Variants in TCHH observed in about 807,000 individuals in gnomAD.
The protein encoded by TCHH is trichohyalin.
TCHH carries 6 observed loss-of-function variants against 6.3 expected under a neutral mutation model. The observed-to-expected ratio is 0.95, with a 90% CI of 0.52 to 1.88. The LOEUF (loss-of-function observed/expected upper bound fraction) is 1.88. Among genes scored for constraint, TCHH ranks in the 40% most tolerant of loss-of-function variants. The probability of loss-of-function intolerance (pLI) is 0.01; values close to 1 mark genes in which losing one functional copy is unlikely to be tolerated. For missense variants in TCHH, 2,920 were observed against 2,449.1 expected (o/e 1.19, Z -4.06); for synonymous variants, 1,087 against 963.6 (o/e 1.13, Z -2.37).
In TCHH at chr1:152,111,458, G is replaced by GGCGCCTCTCCTC; in HGVS notation, c.1747_1758dup (p.Glu583_Arg586dup). On this transcript the variant is annotated inframe_insertion, in exon 3 of 3. Transcript: ENST00000614923. ...TCCTGCTCGCGCTTCAGCCGCTGCT[G>GGCGCCTCTCCTC]GCGCCTCTCCTCCTCGCGCTTCAGC... 1 of 1,593,508 alleles carries GGCGCCTCTCCTC rather than the reference G, an allele frequency of 6.3e-7. No individual in the cohort carries two copies. The highest frequency in any genetic ancestry group is 8.5e-7 in the Non-Finnish European group (1 of 1,173,362).
In TCHH at chr1:152,110,970, C is replaced by T; in HGVS notation, c.2247G>A (p.Gln749=). 1 of 1,613,604 alleles carries T rather than the reference C, an allele frequency of 6.2e-7. No individual in the cohort carries two copies. The highest frequency in any genetic ancestry group is 8.5e-7 in the Non-Finnish European group (1 of 1,180,030). Residue 749 remains glutamine, a synonymous_variant, in exon 3 of 3, where the codon CAG becomes CAA. Transcript: ENST00000614923. ...RRRRESELQW[Q]EEERAHRQQQ... ...GCTGCCGGTGAGCCCGTTCCTCCTC[C>T]TGCCATTGCAGCTCACTCTCCCGGC...
At position 152,112,421 on chromosome 1, in the gene TCHH, G is replaced by A. The variant is rs1288318718; in HGVS notation, c.796C>T (p.Gln266Ter). 1.2e-6 allele frequency: 2 copies of A among 1,613,696 alleles called. No homozygotes were observed. Residue 266 changes from glutamine to a stop codon, truncating the protein, a stop_gained, in exon 3 of 3, where the codon CAG becomes TAG. Coordinates refer to ENST00000614923, the MANE Select transcript of TCHH (RefSeq NM_007113.4). LOFTEE classifies it low-confidence loss of function (END_TRUNC). ...EEEKLQEEEPQRQRELQEEEE... is the reference protein window; with the variant it reads ...EEEKLQEEEP The stretch of plus-strand genomic sequence containing the variant: ...TCCTCCTGGAGCTCTCTTTGCCGCT[G>A]CGGCTCCTCTTCCTGCAACTTCTCT...
At chr1:152,114,950 C>T (rs1658474345) in intron 1 of TCHH, among the ~76,000 whole-genome samples, 1 of 152,160 alleles carries the variant, frequency 6.6e-6, no homozygotes, top group South Asian at 2.1e-4. Flanking sequence ...TATAAGAATA[C>T]ATGGAATGGC....
In TCHH at chr1:152,107,729, G is replaced by C; in HGVS notation, c.5488C>G (p.Leu1830Val). 2 of 1,614,228 alleles carry C rather than the reference G, an allele frequency of 1.2e-6. No homozygotes were observed. The highest frequency in any genetic ancestry group is 1.7e-6 in the Non-Finnish European group (2 of 1,180,046). Residue 1830 changes from leucine (L) to valine (V), a missense_variant, in exon 3 of 3, where the codon CTT becomes GTT. Leu to Val is a conservative substitution (Grantham distance 32). Coordinates refer to ENST00000614923, the MANE Select transcript of TCHH (RefSeq NM_007113.4). ...KYRWEEEQLQ[L>V]EEQEQRLRQE... ...CGCAGCCTCTGCTCTTGTTCCTCAA[G>C]TTGGAGCTGCTCTTCTTCCCAGCGA...
At position 152,108,948 on chromosome 1, in the gene TCHH, C is replaced by G; in HGVS notation, c.4269G>C (p.Leu1423=). The G allele has an allele frequency of 6.2e-7, 1 of 1,612,982 alleles. No homozygotes were observed. Among genetic ancestry groups the G allele is most frequent in the South Asian group, 1.1e-5 (1 of 90,956 alleles). The change falls in exon 3 of 3, where the codon CTG becomes CTC. Residue 1423 remains leucine, a synonymous_variant. Transcript: ENST00000614923. ...ATTTTCTGTCACGCTCTTGGCGGCTCAGCTGCTGTTCCTCCTCGCGGAATT... is the reference window on the plus strand; with the variant it reads ...ATTTTCTGTCACGCTCTTGGCGGCTGAGCTGCTGTTCCTCCTCGCGGAATT... ...DRKFREEEQQ[L]SRQERDRKFR...
In TCHH at chr1:152,112,151, CCTGCTCGCGCCTCAGCTG is replaced by C. The variant is rs767216578; in HGVS notation, c.1048_1065del (p.Gln350_Gln355del). ...AGCTGCTGCTCGCGCCTCTCCTCCT[CCTGCTCGCGCCTCAGCTG>C]CTGCTCGCGCCTCTCCTCCTGCTCG... On this transcript the variant is annotated inframe_deletion, in exon 3 of 3. Coordinates refer to ENST00000614923, the MANE Select transcript of TCHH (RefSeq NM_007113.4). The C allele has an allele frequency of 2.2e-6, 3 of 1,381,710 alleles. No individual in the cohort carries two copies. The highest frequency in any genetic ancestry group is 3.8e-5 in the African/African-American group (2 of 52,124). 85.6% of individuals were successfully genotyped at this position (1,381,710 alleles called of 1,614,324 possible). A position where few individuals can be genotyped will look rare whatever the true frequency, so the allele number is the denominator to read the frequency against.
Position 152,110,699 on chromosome 1 carries a change from G to C in TCHH, c.2518C>G (p.Leu840Val), listed in dbSNP as rs1196535994. 3.7e-6 allele frequency: 6 copies of C among 1,612,410 alleles called. No individual in the cohort carries two copies. The highest frequency in any genetic ancestry group is 1.3e-5 in the African/African-American group (1 of 74,906). Residue 840 changes from leucine to valine, a missense_variant, in exon 3 of 3, where the codon CTC becomes GTC. By Grantham distance (32) the Leu-to-Val change is conservative (BLOSUM62 1). Coordinates refer to ENST00000614923, the MANE Select transcript of TCHH (RefSeq NM_007113.4). The stretch of plus-strand genomic sequence containing the variant: ...TGTTGGGCACGCTCCCGCCGCTGGA[G>C]CTGCTCCTCTTCCTCCAGGAACTGC... ...ELQFLEEEEQ[L>V]QRRERAQQLQ... is the part of the protein sequence containing the mutation.
rs868599896 is a variant in TCHH, at chr1:152,113,180, A to T, written c.139-102T>A. On this transcript the variant is annotated intron_variant, in intron 2 of 2. Transcript: ENST00000614923. ...TTTATGCTATGCTGACATTCAAGAG[A>T]CATTCAGAGCAATTAGAAAAATGTC... 58 of 1,163,380 alleles carry T rather than the reference A, an allele frequency of 5.0e-5. No individual in the cohort carries two copies. In the African/African-American group the frequency reaches 7.2e-4, roughly 14 times the overall value. The allele number at this position is 1,163,380 out of a possible 1,614,324, so 72.1% of individuals were successfully genotyped here.
chr1:152,113,838 G>T, intron 2 of TCHH, 105 bp downstream of exon 2: 1 of 1,322,300 alleles, frequency 7.6e-7, no homozygotes, highest in Non-Finnish European at 1.0e-6. Flanking sequence ...TAGACCTGTT[G>T]TGGTGTAAAA....
Position 152,107,446 on chromosome 1 carries a change from G to A in TCHH, c.5771C>T (p.Pro1924Leu). ...EPGTHQFASV[P>L]VRSSPLYEYI... ...CTCATAGAGAGGGCTGGAGCGCACT[G>A]GGACACTGGCAAACTGATGAGTGCC... The change falls in exon 3 of 3, where the codon CCA (proline) becomes CTA (leucine). Residue 1924 changes from proline to leucine, a missense_variant. By Grantham distance (98) the Pro-to-Leu change is moderately conservative (BLOSUM62 -3). Transcript: ENST00000614923. 1 of 1,613,446 alleles carries A rather than the reference G, an allele frequency of 6.2e-7. No homozygotes were observed. The highest frequency in any genetic ancestry group is 8.5e-7 in the Non-Finnish European group (1 of 1,179,634).
Position 152,114,936 on chromosome 1 carries a change from A to G in TCHH, c.-32+455T>C, listed in dbSNP as rs780584772. On this transcript the variant is annotated intron_variant, in intron 1 of 2. Coordinates refer to ENST00000614923, the MANE Select transcript of TCHH (RefSeq NM_007113.4). ...TAAAACATTAGCCAGCAGTAGATCA[A>G]TGTTATAAGAATACATGGAATGGCT... Among the ~76,000 whole-genome samples the G allele has an allele frequency of 4.8e-4, 73 of 152,248 alleles. 1 individual carries two copies. Among genetic ancestry groups the G allele is most frequent in the Non-Finnish European group, 1.5e-4 (10 of 68,040 alleles).
Position 152,108,988 on chromosome 1 carries a change from T to A in TCHH, c.4229A>T (p.Gln1410Leu). Residue 1410 changes from glutamine (Q) to leucine (L), a missense_variant, in exon 3 of 3, where the codon CAG (glutamine) becomes CTG (leucine). Transcript: ENST00000614923. ...CTCGCGGAATTTTCTGTCGCGGTCC[T>A]GACGCAGCTGTTGCTCGCGCTCCTG... ...RCQEREQQLR[Q>L]DRDRKFREEE... The A allele has an allele frequency of 6.2e-7, 1 of 1,613,648 alleles. No homozygotes were observed. The highest frequency in any genetic ancestry group is 8.5e-7 in the Non-Finnish European group (1 of 1,179,774).
rs776762916 is a variant in TCHH at position 152,111,043 on chromosome 1, T to G, written c.2174A>C (p.Lys725Thr). ...RQSKVYSRPR[K>T]QEGQRRRQEQ... is the part of the protein sequence containing the mutation. ...TTGGCGGCGCCTCTGCCCTTCCTGC[T>G]TGCGGGGCCTCGAGTAGACTTTGCT... Residue 725 changes from lysine (K) to threonine (T), a missense_variant, in exon 3 of 3, where the codon AAG becomes ACG. Coordinates refer to ENST00000614923, the MANE Select transcript of TCHH (RefSeq NM_007113.4). 11 of 1,613,456 alleles carry G rather than the reference T, an allele frequency of 6.8e-6. No homozygotes were observed. The African/African-American group carries it at 1.3e-4, about 20-fold the overall frequency.
Position 152,110,651 on chromosome 1 carries a change from G to A in TCHH, c.2566C>T (p.Leu856Phe), listed in dbSNP as rs745755177. The change falls in exon 3 of 3, where the codon CTC (leucine) becomes TTC (phenylalanine). Residue 856 changes from leucine (L) to phenylalanine (F), a missense_variant. Leu to Phe is a conservative substitution (Grantham distance 22). Transcript: ENST00000614923. ...CGCCTCCTCTCCTGATCCTCCTGGA[G>A]GCCGTCCTCCTCCTCCTGGAGCTGT... ...AQQLQEEEDG[L>F]QEDQERRRSQ... The A allele has an allele frequency of 9.9e-6, 16 of 1,613,316 alleles. No homozygotes were observed. In the Admixed American group the frequency reaches 1.2e-4, roughly 12 times the overall value.
chr1:152,108,728 G>C lies in TCHH; in HGVS notation c.4489C>G (p.Gln1497Glu). 1 of 1,612,804 alleles carries C rather than the reference G, an allele frequency of 6.2e-7. No homozygotes were observed. Among genetic ancestry groups the C allele is most frequent in the Non-Finnish European group, 8.5e-7 (1 of 1,179,686 alleles). The change falls in exon 3 of 3, where the codon CAA becomes GAA. Residue 1497 changes from glutamine to glutamate, a missense_variant. Coordinates refer to ENST00000614923, the MANE Select transcript of TCHH (RefSeq NM_007113.4). ...TCGCGGAATTTTCTGTCACGCTCTT[G>C]GCGGCGCAGCTGTTGTTCCTCCTCC... Reference protein sequence around the residue: ...FLEEEQQLRRQERDRKFREQE... With the variant: ...FLEEEQQLRREERDRKFREQE...
At position 152,112,705 on chromosome 1, in the gene TCHH, T is replaced by A; in HGVS notation, c.512A>T (p.Glu171Val). 9 of 1,614,128 alleles carry A rather than the reference T, an allele frequency of 5.6e-6. No individual in the cohort carries two copies. Among genetic ancestry groups the A allele is most frequent in the Non-Finnish European group, 7.6e-6 (9 of 1,180,032 alleles). Residue 171 changes from glutamate (E) to valine (V), a missense_variant, in exon 3 of 3, where the codon GAG (glutamate) becomes GTG (valine). By Grantham distance (121) the Glu-to-Val change is moderately radical (BLOSUM62 -2). Transcript: ENST00000614923. ...TTCTTGCCTTTGCCGCCACAGCTCC[T>A]CGTCGCGGCGCTGCCTGTCGCGCTG... Reference protein sequence around the residue: ...LEQRDRQRRDEELWRQRQEWQ... With the variant: ...LEQRDRQRRDVELWRQRQEWQ...
In TCHH at chr1:152,112,352, C is replaced by T. The variant is rs1178437817; in HGVS notation, c.865G>A (p.Glu289Lys). 1.2e-6 allele frequency: 2 copies of T among 1,613,244 alleles called. No homozygotes were observed. Among genetic ancestry groups the T allele is most frequent in the East Asian group, 2.2e-5 (1 of 44,836 alleles). The change falls in exon 3 of 3, where the codon GAG becomes AAG. Residue 289 changes from glutamate (E) to lysine (K), a missense_variant. Transcript: ENST00000614923. ...TGCTGCTGCTCTTCCTCCTGGCGCT[C>T]CCTCCTCAGCTCTTGCCGCTCCAGC... Reference protein sequence around the residue: ...RKLERQELRRERQEEEQQQQR... With the variant: ...RKLERQELRRKRQEEEQQQQR...
intron 2 of TCHH, among the ~76,000 whole-genome samples, chr1:152,113,477 A>T (rs1243293398): frequency 6.6e-6 from 1 of 152,224 alleles, no homozygotes; most frequent in East Asian, 1.9e-4. Context: ...ATTGAGAAAG[A>T]ATGAACTCAT....
At position 152,107,138 on chromosome 1, in the gene TCHH, C is replaced by T. The variant is rs2101521473; in HGVS notation, c.*247G>A. 5.3e-6 allele frequency: 2 copies of T among 375,872 alleles called. No homozygotes were observed. Among genetic ancestry groups the T allele is most frequent in the Admixed American group, 8.2e-5 (2 of 24,292 alleles). 23.3% of individuals were successfully genotyped at this position (375,872 alleles called of 1,614,324 possible). A position where few individuals can be genotyped will look rare whatever the true frequency, so the allele number is the denominator to read the frequency against. On this transcript the variant is annotated 3_prime_UTR_variant, in exon 3 of 3. Transcript: ENST00000614923. ...AAATGATTTATATTTTTTTTAAATG[C>T]ACACCACATCTGCATCAAAGAGCAA...
Sources: gnomAD v4.1 joint callset for allele counts (sites outside exome capture counted in the v4.1 genomes callset) on GRCh38, gnomAD v4.1.1 for gene constraint, MANE v1.5 for transcripts, NCBI Gene and HGNC (gene_info 2026-07-23, HGNC 2026-07-21) for gene names.